DIS3L2: variants seen among roughly 807,000 people sequenced by gnomAD.
The protein encoded by DIS3L2 is DIS3-like exonuclease 2.
Under a neutral mutation model 97.5 loss-of-function variants are expected in DIS3L2, and 34 were observed. That is an observed-to-expected ratio of 0.35 (90% CI 0.27 to 0.46). The LOEUF is 0.46. DIS3L2 is among the 20% of genes least tolerant of loss of function. The pLI, the probability that DIS3L2 is intolerant of heterozygous loss-of-function variation, is 1.00. For missense variants in DIS3L2, 1,038 were observed against 1,146.0 expected (o/e 0.91, Z 1.36); for synonymous variants, 435 against 445.2 (o/e 0.98, Z 0.29).
At chr2:232,230,840 C>G (rs1391391859) in intron 10 of DIS3L2, among the ~76,000 whole-genome samples, 1 of 152,182 alleles carries the variant, frequency 6.6e-6, no homozygotes, top group Admixed American at 6.5e-5. Flanking sequence ...ATCCACCTCA[C>G]TAGCCTCCCT....
intron 1 of DIS3L2, among the ~76,000 whole-genome samples, chr2:232,002,292 A>G (rs149090805): frequency 5.1e-4 from 78 of 152,204 alleles, no homozygotes; most frequent in Non-Finnish European, 6.2e-4. Flanking sequence ...TTTTGAGATC[A>G]GGTAGTGTGA....
chr2:232,132,391 G>A (rs957107098), intron 7 of DIS3L2, among the ~76,000 whole-genome samples: 1 of 152,142 alleles, frequency 6.6e-6, no homozygotes, highest in African/African-American at 2.4e-5. Flanking sequence ...AGACAAGATG[G>A]CATAGACCTA....
At chr2:232,167,190 C>A (rs1690849660) in intron 9 of DIS3L2, among the ~76,000 whole-genome samples, 1 of 151,956 alleles carries the variant, frequency 6.6e-6, no homozygotes, top group African/African-American at 2.4e-5. Context: ...CTTTAGGCAT[C>A]AAGAAGTAAT....
intron 10 of DIS3L2, among the ~76,000 whole-genome samples, chr2:232,225,686 A>G (rs763430276): frequency 1.5e-4 from 23 of 152,162 alleles, no homozygotes; most frequent in Non-Finnish European, 3.4e-4. Flanking sequence ...ATTGAACTGT[A>G]TGCTTAATGC....
chr2:232,034,115 G>A (rs1025296577), intron 5 of DIS3L2, among the ~76,000 whole-genome samples: 9 of 152,058 alleles, frequency 5.9e-5, no homozygotes, highest in African/African-American at 1.7e-4. Flanking sequence ...TTTTTTGGTT[G>A]GTAGGCTATT....
intron 9 of DIS3L2, among the ~76,000 whole-genome samples, chr2:232,203,227 A>G (rs974740726): frequency 7.2e-5 from 11 of 152,080 alleles, no homozygotes; most frequent in African/African-American, 2.7e-4. Flanking sequence ...CTTTTCACCC[A>G]TTCTTCATCA....
At chr2:232,272,959 G>T (rs944981686) in intron 13 of DIS3L2, among the ~76,000 whole-genome samples, 1 of 152,008 alleles carries the variant, frequency 6.6e-6, no homozygotes, top group African/African-American at 2.4e-5. Context: ...TTGCCTTCTG[G>T]TTCTTTCTGC....
intron 5 of DIS3L2, among the ~76,000 whole-genome samples, chr2:232,050,220 A>G (rs1393815224): frequency 6.6e-6 from 1 of 151,970 alleles, no homozygotes; most frequent in Non-Finnish European, 1.5e-5. Flanking sequence ...TCTTCTATTC[A>G]GTATGTTTGT....
chr2:232,047,127 CTT>C (rs924775616), intron 5 of DIS3L2, among the ~76,000 whole-genome samples: 41 of 152,168 alleles, frequency 2.7e-4, no homozygotes, highest in Admixed American at 6.5e-5. Context: ...GTTTTGAAGT[CTT>C]TTTGACAAGT....
intron 5 of DIS3L2, among the ~76,000 whole-genome samples, chr2:232,084,814 A>T: frequency 6.7e-6 from 1 of 149,480 alleles, no homozygotes; most frequent in East Asian, 2.0e-4. Context: ...AAAAAAAAGC[A>T]TTGTTTACAA....
intron 6 of DIS3L2, among the ~76,000 whole-genome samples, chr2:232,104,891 C>T (rs866512084): frequency 6.7e-6 from 1 of 150,320 alleles, no homozygotes; most frequent in African/African-American, 2.5e-5. Context: ...GATCTCGGCT[C>T]ACTGCAACCT....
chr2:232,318,950 A>T (rs143458812), intron 14 of DIS3L2, among the ~76,000 whole-genome samples: 1 of 152,284 alleles, frequency 6.6e-6, no homozygotes, highest in African/African-American at 2.4e-5. Flanking sequence ...TCCAGATACA[A>T]CACAGGGCGG....
chr2:232,207,153 A>G (rs547689101), intron 9 of DIS3L2, among the ~76,000 whole-genome samples: 1 of 152,344 alleles, frequency 6.6e-6, no homozygotes, highest in African/African-American at 2.4e-5. Flanking sequence ...AGAAGACCCA[A>G]ACATTCCTAC....
At chr2:232,011,888 C>G (rs1291366289) in intron 1 of DIS3L2, among the ~76,000 whole-genome samples, 1 of 138,890 alleles carries the variant, frequency 7.2e-6, no homozygotes, top group Non-Finnish European at 1.6e-5. Flanking sequence ...TGAGCTCAGG[C>G]AGTCTGCCCG....
At chr2:231,994,947 G>C (rs1024473144) in intron 1 of DIS3L2, among the ~76,000 whole-genome samples, 2 of 151,214 alleles carry the variant, frequency 1.3e-5, no homozygotes, top group Admixed American at 1.3e-4. Flanking sequence ...TAAGTAGCTG[G>C]GACTACAGGT....
At chr2:232,087,963 T>C in intron 6 of DIS3L2, 1 of 470,186 alleles carries the variant, frequency 2.1e-6, no homozygotes, top group Non-Finnish European at 3.9e-6. Flanking sequence ...CTAATAGGCT[T>C]GAGCTGTGTT....
chr2:231,971,703 C>T (rs534555942), intron 1 of DIS3L2, among the ~76,000 whole-genome samples: 2 of 151,990 alleles, frequency 1.3e-5, no homozygotes, highest in Non-Finnish European at 2.9e-5. Context: ...GCCTTGGCCT[C>T]CCAAAGTGCT....
chr2:232,342,416 A>G (rs1438972520), intron 13 of DIS3L2, among the ~76,000 whole-genome samples: 1 of 152,200 alleles, frequency 6.6e-6, no homozygotes, highest in Admixed American at 6.5e-5. Context: ...CAGAGATGGG[A>G]AAATGCAAGG....
intron 10 of DIS3L2, among the ~76,000 whole-genome samples, chr2:232,227,007 A>C (rs921123396): frequency 1.3e-5 from 2 of 152,046 alleles, no homozygotes; most frequent in Non-Finnish European, 2.9e-5. Flanking sequence ...AACAAAAAAA[A>C]ACCCAGGAAA....
Sources: gnomAD v4.1 joint callset for allele counts (sites outside exome capture counted in the v4.1 genomes callset) on GRCh38, gnomAD v4.1.1 for gene constraint, MANE v1.5 for transcripts, NCBI Gene and HGNC (gene_info 2026-07-23, HGNC 2026-07-21) for gene names.